The following MED19 variants were observed in gnomAD, a reference collection of about 807,000 sequenced individuals.
The protein encoded by MED19 is mediator complex subunit 19.
MED19 carries 4 observed loss-of-function variants against 19.9 expected under a neutral mutation model. The ratio of observed to expected loss-of-function variants is 0.20; its 90% CI spans 0.10 to 0.46. The LOEUF is 0.46. Among genes scored for constraint, MED19 ranks in the 20% least tolerant of loss-of-function variants. MED19 has a pLI of 0.99. For synonymous variants in MED19, 139 were observed against 119.6 expected (o/e 1.16, Z -1.06); for missense variants, 303 against 318.7 (o/e 0.95, Z 0.38).
At chr11:57,706,384 TCCGCCACCCC>T (rs1331792564) in intron 1 of MED19, among the ~76,000 whole-genome samples, 1 of 152,058 alleles carries the variant, frequency 6.6e-6, no homozygotes, top group Non-Finnish European at 1.5e-5. Context: ...CCTCAAGTGA[TCCGCCACCCC>T]CCGCCGCCTC....
chr11:57,711,177 TGAATG>T (rs1946585483), intron 1 of MED19, among the ~76,000 whole-genome samples: 7 of 152,352 alleles, frequency 4.6e-5, no homozygotes, highest in Admixed American at 4.6e-4. Context: ...AATAATTTTT[TGAATG>T]AAGAGTTTGG....
At chr11:57,706,322 C>G (rs1268806159) in intron 1 of MED19, among the ~76,000 whole-genome samples, 1 of 151,956 alleles carries the variant, frequency 6.6e-6, no homozygotes, top group Non-Finnish European at 1.5e-5. Context: ...TAATTTTTTT[C>G]TAGTAGAGAA....
exon 1 of MED19, chr11:57,712,187 T>G: frequency 6.6e-7 from 1 of 1,513,534 alleles, no homozygotes. Flanking sequence ...CATCGTACCC[T>G]CCGCCCCGGC....
At chr11:57,708,791 C>T (rs1946533765) in intron 1 of MED19, among the ~76,000 whole-genome samples, 3 of 152,110 alleles carry the variant, frequency 2.0e-5, no homozygotes, top group Non-Finnish European at 2.9e-5. Flanking sequence ...CAATATCTGT[C>T]AACTGACTGA....
At position 57,704,710 on chromosome 11, in the gene MED19, G is replaced by A; in HGVS notation, c.571+9C>T. 1 of 1,185,224 alleles carries A rather than the reference G, an allele frequency of 8.4e-7. No individual in the cohort carries two copies. Among genetic ancestry groups the A allele is most frequent in the Non-Finnish European group, 1.2e-6 (1 of 847,248 alleles). 73.4% of individuals were successfully genotyped at this position (1,185,224 alleles called of 1,614,324 possible). On this transcript the variant is annotated intron_variant, in intron 3 of 4. Transcript: ENST00000431606. ...TTTTTTTTTTGCTTTGAATAGAACT[G>A]CTTCTTACCTGGGGGGACAGGATCC...
At chr11:57,711,852 G>T in intron 1 of MED19, 111 bp downstream of exon 1, 2 of 1,201,612 alleles carry the variant, frequency 1.7e-6, no homozygotes, top group South Asian at 2.0e-5. Context: ...TCCACAGTCC[G>T]GGTATGCGTT....
chr11:57,708,444 T>C (rs1590880586), intron 1 of MED19, among the ~76,000 whole-genome samples: 1 of 152,304 alleles, frequency 6.6e-6, no homozygotes, highest in South Asian at 2.1e-4. Flanking sequence ...CCTCACATTA[T>C]TTCATCTTAG....
At chr11:57,711,874 C>G (rs981485388) in intron 1 of MED19, 89 bp downstream of exon 1, 1 of 1,351,068 alleles carries the variant, frequency 7.4e-7, no homozygotes, top group Non-Finnish European at 9.6e-7. Flanking sequence ...CCTAGGTTAC[C>G]TCGCACCTCC....
rs753066662 is a variant in MED19 at position 57,704,959 on chromosome 11, C to T, written c.474+14G>A. The T allele has an allele frequency of 6.2e-7, 1 of 1,609,240 alleles. No individual in the cohort carries two copies. The highest frequency in any genetic ancestry group is 8.5e-7 in the Non-Finnish European group (1 of 1,177,478). Reference sequence around the variant, plus strand: ...AGGCCTCCCCATTTGCCTTCTTCCTCCAACAGGACTCACCGGGCCAGTGTG... The same window carrying T: ...AGGCCTCCCCATTTGCCTTCTTCCTTCAACAGGACTCACCGGGCCAGTGTG... On this transcript the variant is annotated intron_variant, in intron 2 of 4. Transcript: ENST00000431606.
At chr11:57,712,112 A>C in exon 1 of MED19, 1 of 1,529,254 alleles carries the variant, frequency 6.5e-7, no homozygotes, top group Non-Finnish European at 8.8e-7. Context: ...TCCTGGTCCG[A>C]AGCCGAGTGC....
intron 1 of MED19, 110 bp downstream of exon 1, chr11:57,711,853 G>A (rs553134659): frequency 8.2e-7 from 1 of 1,216,756 alleles, no homozygotes; most frequent in Non-Finnish European, 1.1e-6. Flanking sequence ...CCACAGTCCG[G>A]GTATGCGTTG....
At chr11:57,704,692 T>C (rs1355540925) in intron 3 of MED19, 27 bp downstream of exon 3, 2 of 1,580,284 alleles carry the variant, frequency 1.3e-6, no homozygotes, top group Non-Finnish European at 1.7e-6. Context: ...TTTTTTTTTT[T>C]TTGCTTTGAA....
chr11:57,705,613 C>CA (rs1946500285), intron 1 of MED19, among the ~76,000 whole-genome samples: 1 of 148,372 alleles, frequency 6.7e-6, no homozygotes, highest in Admixed American at 6.8e-5. Flanking sequence ...GAGATTGCGC[C>CA]ACTGCACTCC....
intron 2 of MED19, 66 bp downstream of exon 2, chr11:57,704,907 T>C: frequency 6.2e-7 from 1 of 1,604,404 alleles, no homozygotes; most frequent in Non-Finnish European, 8.5e-7. Context: ...AGGAACAGAC[T>C]TGGAGAGAAA....
intron 1 of MED19, among the ~76,000 whole-genome samples, chr11:57,710,369 A>C (rs1457013289): frequency 6.6e-6 from 1 of 152,178 alleles, no homozygotes; most frequent in Non-Finnish European, 1.5e-5. Flanking sequence ...GTCTATAAAA[A>C]AATTTTTTAA....
chr11:57,704,044 T>C, exon 5 of MED19: 1 of 1,536,160 alleles, frequency 6.5e-7, no homozygotes. Flanking sequence ...CCTATTAGCG[T>C]AGGCTGCTGC....
intron 1 of MED19, among the ~76,000 whole-genome samples, chr11:57,705,761 G>A (rs971200393): frequency 1.3e-5 from 2 of 152,070 alleles, no homozygotes; most frequent in African/African-American, 4.8e-5. Flanking sequence ...ATAGGGCAGA[G>A]ACAGGAACTG....
At chr11:57,705,499 A>G (rs1946498928) in intron 1 of MED19, among the ~76,000 whole-genome samples, 1 of 152,028 alleles carries the variant, frequency 6.6e-6, no homozygotes, top group African/African-American at 2.4e-5. Context: ...GTAAAAATAC[A>G]AAAAATTAGC....
At chr11:57,704,247 C>T in intron 4 of MED19, 55 bp downstream of exon 4, 1 of 1,528,660 alleles carries the variant, frequency 6.5e-7, no homozygotes, top group Admixed American at 2.0e-5. Flanking sequence ...GTATTTAGGA[C>T]AGGGGTGAGA....
Sources: allele counts gnomAD v4.1 joint callset (sites outside exome capture counted in the v4.1 genomes callset), GRCh38; gene constraint gnomAD v4.1.1; transcripts MANE v1.5; gene names NCBI Gene and HGNC (gene_info 2026-07-23, HGNC 2026-07-21).